ZNF277: variants seen among roughly 807,000 people sequenced by gnomAD.
ZNF277 encodes the protein zinc finger protein 277, also known as nuclear receptor-interacting factor 4.
A neutral mutation model predicts 60.7 loss-of-function variants in ZNF277; 55 were observed. That is an observed-to-expected ratio of 0.91 (90% confidence interval 0.73 to 1.13). ZNF277 has a LOEUF of 1.13. ZNF277 is among the 50% of genes most tolerant of loss of function. The probability of loss-of-function intolerance (pLI) is 0.00; values close to 1 mark genes in which losing one functional copy is unlikely to be tolerated. For synonymous variants in ZNF277, 178 were observed against 179.3 expected (o/e 0.99, Z 0.06); for missense variants, 510 against 523.0 (o/e 0.98, Z 0.24).
At chr7:112,306,926 C>T (rs951861158) in intron 4 of ZNF277, among the ~76,000 whole-genome samples, 1 of 152,012 alleles carries the variant, frequency 6.6e-6, no homozygotes, top group African/African-American at 2.4e-5. Context: ...CACCCCAGAA[C>T]ACTAATACAC....
chr7:112,246,126 GT>G (rs1367829746), intron 1 of ZNF277, among the ~76,000 whole-genome samples: 1 of 152,074 alleles, frequency 6.6e-6, no homozygotes, highest in African/African-American at 2.4e-5. Context: ...GCTCATACCT[GT>G]AATCTTACTA....
chr7:112,226,972 C>T (rs1267673664), intron 1 of ZNF277, among the ~76,000 whole-genome samples: 1 of 152,114 alleles, frequency 6.6e-6, no homozygotes, highest in Non-Finnish European at 1.5e-5. Flanking sequence ...CTTCAGGATT[C>T]TCACTTACAT....
chr7:112,339,662 T>C (rs879928431), intron 9 of ZNF277, among the ~76,000 whole-genome samples, 181 bp from the exon 10 acceptor site: 5 of 152,170 alleles, frequency 3.3e-5, no homozygotes, highest in Non-Finnish European at 7.4e-5. Context: ...GTTTGGACTA[T>C]GCTGTAAAAA....
chr7:112,246,683 A>G (rs1050394681), intron 1 of ZNF277, among the ~76,000 whole-genome samples: 2 of 152,192 alleles, frequency 1.3e-5, no homozygotes, highest in Non-Finnish European at 2.9e-5. Flanking sequence ...TGTATGGAAG[A>G]CATAGCCAGT....
At chr7:112,221,027 C>T (rs1822014899) in intron 1 of ZNF277, among the ~76,000 whole-genome samples, 1 of 152,070 alleles carries the variant, frequency 6.6e-6, no homozygotes, top group African/African-American at 2.4e-5. Context: ...GCTCTTTGTC[C>T]ACCACTGCTG....
At chr7:112,341,225 C>G (rs1584426183) in intron 11 of ZNF277, 179 bp downstream of exon 11, 3 of 473,960 alleles carry the variant, frequency 6.3e-6, no homozygotes, top group Admixed American at 4.5e-5. Flanking sequence ...TAAAATAATC[C>G]CCCTCTTACA....
chr7:112,240,087 A>T (rs1790910956), intron 1 of ZNF277, among the ~76,000 whole-genome samples: 1 of 152,206 alleles, frequency 6.6e-6, no homozygotes, highest in Non-Finnish European at 1.5e-5. Flanking sequence ...TGATAATCTC[A>T]AATCAAAAAG....
intron 8 of ZNF277, among the ~76,000 whole-genome samples, chr7:112,337,345 C>T (rs1435527699): frequency 6.6e-6 from 1 of 152,232 alleles, no homozygotes; most frequent in Non-Finnish European, 1.5e-5. Context: ...CCCGGCATCA[C>T]ACCTCACAGC....
intron 4 of ZNF277, among the ~76,000 whole-genome samples, chr7:112,309,640 T>C (rs1034639591): frequency 2.6e-5 from 4 of 151,882 alleles, no homozygotes; most frequent in African/African-American, 2.4e-5. Context: ...ATACCCACAA[T>C]GACTCTGACA....
At chr7:112,270,696 T>C (rs2117037717) in intron 1 of ZNF277, among the ~76,000 whole-genome samples, 1 of 152,204 alleles carries the variant, frequency 6.6e-6, no homozygotes, top group South Asian at 2.1e-4. Context: ...TCACAAAATA[T>C]TTCTTCTTCC....
intron 1 of ZNF277, among the ~76,000 whole-genome samples, chr7:112,277,830 G>T (rs928150174): frequency 2.4e-4 from 37 of 152,084 alleles, no homozygotes; most frequent in African/African-American, 8.9e-4. Flanking sequence ...TGAAAACCCA[G>T]AATAGATATT....
chr7:112,273,977 T>G (rs919635107), intron 1 of ZNF277, among the ~76,000 whole-genome samples: 10 of 151,756 alleles, frequency 6.6e-5, no homozygotes, highest in African/African-American at 2.2e-4. Context: ...AAAAGACAAT[T>G]TATTAGTTTT....
intron 1 of ZNF277, among the ~76,000 whole-genome samples, chr7:112,217,741 A>T (rs552248810): frequency 7.3e-4 from 111 of 152,372 alleles, no homozygotes; most frequent in African/African-American, 2.6e-3. Flanking sequence ...ATTATGGTTT[A>T]GTAGTCATGC....
At chr7:112,229,736 A>G (rs78999438) in intron 1 of ZNF277, among the ~76,000 whole-genome samples, 1,960 of 152,372 alleles carry the variant, frequency 0.013, 46 homozygotes, top group African/African-American at 0.045. Context: ...GCCAATGTCT[A>G]GTAGAGGAAA....
At chr7:112,228,063 G>A (rs932077237) in intron 1 of ZNF277, among the ~76,000 whole-genome samples, 1 of 151,932 alleles carries the variant, frequency 6.6e-6, no homozygotes, top group Non-Finnish European at 1.5e-5. Context: ...AAGCTCTAGG[G>A]GAGAATCCTT....
At chr7:112,321,562 CTTTA>C (rs1044482837) in intron 5 of ZNF277, among the ~76,000 whole-genome samples, 1 of 151,714 alleles carries the variant, frequency 6.6e-6, no homozygotes, top group African/African-American at 2.4e-5. Context: ...TACTGGTGAT[CTTTA>C]TTTATTTATG....
In ZNF277 at chr7:112,330,153, A is replaced by G; in HGVS notation, c.738A>G (p.Lys246=). 4 of 1,613,392 alleles carry G rather than the reference A, an allele frequency of 2.5e-6. No homozygotes were observed. The highest frequency in any genetic ancestry group is 2.5e-6 in the Non-Finnish European group (3 of 1,179,752). ...CACTTAAAGATCACATGAGGAAAAA[A>G]CAGCATCGTAAGATTAATCCTAAGA... ...KNTLKDHMRK[K]QHRKINPKNR... Residue 246 remains lysine, a synonymous_variant, in exon 7 of 12, where the codon AAA becomes AAG. Coordinates refer to ENST00000361822, the MANE Select transcript of ZNF277 (RefSeq NM_021994.3).
intron 4 of ZNF277, among the ~76,000 whole-genome samples, chr7:112,298,247 G>A (rs1792397710): frequency 6.6e-6 from 1 of 152,094 alleles, no homozygotes; most frequent in Non-Finnish European, 1.5e-5. Flanking sequence ...TAAGTGACAT[G>A]TAATATACTT....
In ZNF277 at chr7:112,296,978, A is replaced by T. The variant is rs1467314212; in HGVS notation, c.465+667A>T. ...AGTCTCGCTCTGTTGCCCAGGCTGG[A>T]GTGCAGTGGTGTGATCTCAGCTCAC... On this transcript the variant is annotated intron_variant, in intron 4 of 11. Coordinates refer to ENST00000361822, the MANE Select transcript of ZNF277 (RefSeq NM_021994.3). 3.7e-5 allele frequency among the ~76,000 whole-genome samples: 4 copies of T among 108,906 alleles called. No homozygotes were observed. In the East Asian group the frequency reaches 1.3e-3, roughly 34 times the overall value. 71.4% of individuals were successfully genotyped at this position (108,906 alleles called of 152,430 possible). A position where few individuals can be genotyped will look rare whatever the true frequency, so the allele number is the denominator to read the frequency against.
Sources: allele counts gnomAD v4.1 joint callset (sites outside exome capture counted in the v4.1 genomes callset), GRCh38; gene constraint gnomAD v4.1.1; transcripts MANE v1.5; gene names NCBI Gene and HGNC (gene_info 2026-07-23, HGNC 2026-07-21).